The following KCNIP1 variants were observed in gnomAD, a reference collection of about 807,000 sequenced individuals.
KCNIP1 encodes the protein potassium voltage-gated channel interacting protein 1, also known as A-type potassium channel modulatory protein KCNIP1.
Under a neutral mutation model 33.0 loss-of-function variants are expected in KCNIP1, and 18 were observed. That is an observed-to-expected ratio of 0.55 (90% confidence interval 0.38 to 0.81). KCNIP1 has a LOEUF of 0.81. Among genes scored for constraint, KCNIP1 ranks in the 30% least tolerant of loss-of-function variants. The pLI, the probability that KCNIP1 is intolerant of heterozygous loss-of-function variation, is 0.00. For synonymous variants in KCNIP1, 93 were observed against 98.3 expected (o/e 0.95, Z 0.32); for missense variants, 238 against 271.6 (o/e 0.88, Z 0.87).
chr5:170,520,868 A>G (rs2113304757), intron 1 of KCNIP1, among the ~76,000 whole-genome samples: 1 of 152,118 alleles, frequency 6.6e-6, no homozygotes, highest in African/African-American at 2.4e-5. Flanking sequence ...TGCTGTTCAG[A>G]ACCTGGTTCT....
In KCNIP1 at chr5:170,509,433, G is replaced by A. The variant is rs924555106; in HGVS notation, c.61+4800G>A. Among the ~76,000 whole-genome samples, 11 of 152,236 alleles carry A rather than the reference G, an allele frequency of 7.2e-5. No individual in the cohort carries two copies. The South Asian group carries it at 8.3e-4, about 11-fold the overall frequency. ...AAATCAGTGGGATTGTTTTGACTTG[G>A]TCTCTGGAAAAGGGCCAAGGCTTAG... On this transcript the variant is annotated intron_variant, in intron 1 of 7. Coordinates refer to ENST00000328939, the MANE Select transcript of KCNIP1 (RefSeq NM_014592.4).
intron 1 of KCNIP1, among the ~76,000 whole-genome samples, chr5:170,561,531 T>G (rs1043926234): frequency 6.6e-6 from 1 of 152,218 alleles, no homozygotes; most frequent in African/African-American, 2.4e-5. Flanking sequence ...CTTCCTCCTC[T>G]CTTCCCTCAG....
chr5:170,536,899 A>G (rs17564624), intron 1 of KCNIP1, among the ~76,000 whole-genome samples: 2,995 of 152,350 alleles, frequency 0.02, 52 homozygotes, highest in Non-Finnish European at 0.033. Flanking sequence ...TCTCCTGGGC[A>G]TTAGACTTGC....
chr5:170,727,214 C>T (rs1447398919), intron 5 of KCNIP1, among the ~76,000 whole-genome samples: 1 of 152,220 alleles, frequency 6.6e-6, no homozygotes, highest in Non-Finnish European at 1.5e-5. Context: ...TGAGTTTACA[C>T]TGTTTTACTC....
At chr5:170,378,749 C>A in intron 1 of KCNIP1, 1 of 1,614,108 alleles carries the variant, frequency 6.2e-7, no homozygotes, top group Non-Finnish European at 8.5e-7. Context: ...TGCTCTTCAC[C>A]ATGGCGATAA....
chr5:170,714,884 T>C (rs983124840), intron 1 of KCNIP1, among the ~76,000 whole-genome samples: 1 of 152,156 alleles, frequency 6.6e-6, no homozygotes, highest in Admixed American at 6.5e-5. Flanking sequence ...GTTAATTTCT[T>C]ATTGAAAAAA....
At chr5:170,719,236 T>G (rs1451778813) in intron 2 of KCNIP1, among the ~76,000 whole-genome samples, 1 of 151,916 alleles carries the variant, frequency 6.6e-6, no homozygotes. Context: ...TGACTTATGC[T>G]AACCAGGCTC....
intron 1 of KCNIP1, among the ~76,000 whole-genome samples, chr5:170,447,643 G>T (rs186345363): frequency 1.6e-4 from 25 of 152,196 alleles, no homozygotes; most frequent in Middle Eastern, 3.4e-3. Flanking sequence ...CAAGACGGGG[G>T]TGTCTTCACA....
intron 1 of KCNIP1, among the ~76,000 whole-genome samples, chr5:170,379,635 T>C (rs1764159020): frequency 6.6e-6 from 1 of 152,142 alleles, no homozygotes; most frequent in African/African-American, 2.4e-5. Flanking sequence ...ATCCAGAAGA[T>C]CTATAATAGC....
At chr5:170,359,989 G>A (rs1275619954) in intron 1 of KCNIP1, among the ~76,000 whole-genome samples, 23 of 152,206 alleles carry the variant, frequency 1.5e-4, no homozygotes, top group Non-Finnish European at 3.4e-4. Flanking sequence ...GGACCACAGG[G>A]GAGCGGCTAG....
At chr5:170,450,972 G>A (rs1756235736) in intron 1 of KCNIP1, among the ~76,000 whole-genome samples, 1 of 152,040 alleles carries the variant, frequency 6.6e-6, no homozygotes, top group Admixed American at 6.6e-5. Context: ...GAGTGTGTGC[G>A]ATTACCGAGA....
chr5:170,550,678 GTGA>G (rs947317642), intron 1 of KCNIP1, among the ~76,000 whole-genome samples: 11 of 151,266 alleles, frequency 7.3e-5, no homozygotes, highest in South Asian at 4.2e-4. Flanking sequence ...GACAATACTG[GTGA>G]TGATGATGGT....
At chr5:170,412,334 G>C (rs6886009) in intron 1 of KCNIP1, among the ~76,000 whole-genome samples, 99,727 of 152,038 alleles carry the variant, frequency 0.66, 32,786 homozygotes, top group Middle Eastern at 0.73. Context: ...GGTGACAGAA[G>C]GAGGAAGCCT....
chr5:170,474,793 C>T (rs1012411896), intron 1 of KCNIP1, among the ~76,000 whole-genome samples: 3 of 152,166 alleles, frequency 2.0e-5, no homozygotes, highest in African/African-American at 7.2e-5. Flanking sequence ...AGCCACCAGA[C>T]CTTCACGGGG....
At chr5:170,558,945 T>G (rs1395344117) in intron 1 of KCNIP1, among the ~76,000 whole-genome samples, 1 of 152,218 alleles carries the variant, frequency 6.6e-6, no homozygotes, top group East Asian at 1.9e-4. Flanking sequence ...GGGCCTCAGT[T>G]TCTTCACCTG....
At chr5:170,448,854 T>C (rs548530304) in intron 1 of KCNIP1, among the ~76,000 whole-genome samples, 2 of 152,298 alleles carry the variant, frequency 1.3e-5, no homozygotes, top group African/African-American at 4.8e-5. Flanking sequence ...ACACTTAAAA[T>C]ATACTCTATA....
intron 1 of KCNIP1, among the ~76,000 whole-genome samples, chr5:170,670,636 T>C (rs1371624387): frequency 3.3e-5 from 5 of 152,164 alleles, no homozygotes; most frequent in Non-Finnish European, 7.4e-5. Context: ...CTCACGCCTG[T>C]AATCCCAGCA....
chr5:170,633,124 A>T (rs568551542), intron 1 of KCNIP1, among the ~76,000 whole-genome samples: 1 of 151,674 alleles, frequency 6.6e-6, no homozygotes, highest in Admixed American at 6.6e-5. Flanking sequence ...CGCCTTCCCC[A>T]GGCATTCTCG....
chr5:170,387,410 C>T (rs1764519881), intron 1 of KCNIP1, among the ~76,000 whole-genome samples: 1 of 152,162 alleles, frequency 6.6e-6, no homozygotes, highest in East Asian at 1.9e-4. Flanking sequence ...TGACTCCCTC[C>T]CCTTAGCCAG....
Sources: allele counts gnomAD v4.1 joint callset (sites outside exome capture counted in the v4.1 genomes callset), GRCh38; gene constraint gnomAD v4.1.1; transcripts MANE v1.5; gene names NCBI Gene and HGNC (gene_info 2026-07-23, HGNC 2026-07-21).